KSR2: variants seen among roughly 807,000 people sequenced by gnomAD.
The protein encoded by KSR2 is kinase suppressor of ras 2.
In KSR2, 25 loss-of-function variants were observed where a neutral mutation model predicts 107.8. That is an observed-to-expected ratio of 0.23 (90% CI 0.17 to 0.32). The LOEUF (loss-of-function observed/expected upper bound fraction) is 0.32. Ranked by LOEUF, KSR2 falls within the 10% of genes least tolerant of loss-of-function variation. KSR2 has a pLI of 1.00. For synonymous variants in KSR2, 480 were observed against 507.0 expected, an observed-to-expected ratio of 0.95 and a Z score of 0.71; for missense variants, 887 against 1,268.9, an observed-to-expected ratio of 0.70 and a Z score of 4.57.
intron 4 of KSR2, among the ~76,000 whole-genome samples, chr12:117,752,493 A>T (rs541177645): frequency 2.7e-4 from 41 of 152,352 alleles, no homozygotes; most frequent in Admixed American, 9.8e-4. Flanking sequence ...AGGGAACTAG[A>T]TATATTTCAT....
chr12:117,628,668 C>T (rs554388800), intron 5 of KSR2, among the ~76,000 whole-genome samples: 6 of 152,358 alleles, frequency 3.9e-5, no homozygotes, highest in Admixed American at 3.3e-4. Flanking sequence ...CAGGGACCCA[C>T]TTGAGGAGGC....
chr12:117,920,637 T>G (rs376540918), intron 1 of KSR2, among the ~76,000 whole-genome samples: 1 of 152,090 alleles, frequency 6.6e-6, no homozygotes. Context: ...ACAATTTCTG[T>G]TTTTTAGATA....
chr12:117,504,099 C>A (rs1224938182), intron 14 of KSR2, among the ~76,000 whole-genome samples: 1 of 152,194 alleles, frequency 6.6e-6, no homozygotes, highest in Non-Finnish European at 1.5e-5. Flanking sequence ...TCTCCTACTT[C>A]TCACAGATAG....
intron 7 of KSR2, among the ~76,000 whole-genome samples, chr12:117,567,321 C>T (rs1406958374): frequency 6.6e-6 from 1 of 152,016 alleles, no homozygotes; most frequent in Non-Finnish European, 1.5e-5. Context: ...GGTGCAAAGA[C>T]ATGTCAATGA....
chr12:117,893,508 T>C (rs1894410202), intron 1 of KSR2, among the ~76,000 whole-genome samples: 1 of 152,208 alleles, frequency 6.6e-6, no homozygotes, highest in African/African-American at 2.4e-5. Context: ...GTAAGCTCTC[T>C]GCATGAAGAC....
chr12:117,881,474 G>T (rs1167858114), intron 1 of KSR2, among the ~76,000 whole-genome samples: 1 of 152,198 alleles, frequency 6.6e-6, no homozygotes, highest in Non-Finnish European at 1.5e-5. Context: ...TGTTAGTATG[G>T]TGACTGTCCC....
chr12:117,835,326 G>A (rs1892158515), intron 3 of KSR2, among the ~76,000 whole-genome samples: 2 of 152,194 alleles, frequency 1.3e-5, no homozygotes, highest in African/African-American at 2.4e-5. Flanking sequence ...TGCATGGCGA[G>A]TTGGAGGGAG....
intron 14 of KSR2, among the ~76,000 whole-genome samples, chr12:117,507,206 C>T (rs1434410541): frequency 6.6e-6 from 1 of 152,220 alleles, no homozygotes; most frequent in African/African-American, 2.4e-5. Flanking sequence ...TTCTATACAG[C>T]AGGAAGCTGA....
At chr12:117,774,392 C>T (rs571462397) in intron 3 of KSR2, among the ~76,000 whole-genome samples, 1 of 152,270 alleles carries the variant, frequency 6.6e-6, no homozygotes, top group South Asian at 2.1e-4. Flanking sequence ...ATGAGCTTGG[C>T]ATTCAGCAGA....
chr12:117,713,070 T>G (rs997138767), intron 4 of KSR2, among the ~76,000 whole-genome samples: 2 of 149,560 alleles, frequency 1.3e-5, no homozygotes, highest in Admixed American at 6.7e-5. Context: ...TATATACTTA[T>G]ATAGATAGAT....
chr12:117,679,600 GAC>G (rs1593123179), intron 4 of KSR2, among the ~76,000 whole-genome samples: 1 of 152,196 alleles, frequency 6.6e-6, no homozygotes, highest in Non-Finnish European at 1.5e-5. Flanking sequence ...GGTGTCTCAA[GAC>G]ACAGCAGAAA....
rs942673650 is a variant in KSR2, at chr12:117,459,184, G to A, written c.*8015C>T. 4 of 152,242 alleles carry A rather than the reference G, an allele frequency of 2.6e-5. No homozygotes were observed. The highest frequency in any genetic ancestry group is 9.7e-5 in the African/African-American group (4 of 41,446). 9.4% of individuals were successfully genotyped at this position (152,242 alleles called of 1,614,324 possible). On this transcript the variant is annotated 3_prime_UTR_variant, in exon 20 of 20. Coordinates refer to ENST00000339824, the MANE Select transcript of KSR2 (RefSeq NM_173598.6). Reference sequence around the variant, plus strand: ...TGCATTTTCCAAGTTCCCTAACTGAGAAGAAACATCTGCAGAGCGCTGATA... The same window carrying A: ...TGCATTTTCCAAGTTCCCTAACTGAAAAGAAACATCTGCAGAGCGCTGATA...
chr12:117,739,046 T>C (rs1257300941), intron 4 of KSR2, among the ~76,000 whole-genome samples: 4 of 152,076 alleles, frequency 2.6e-5, no homozygotes, highest in African/African-American at 9.6e-5. Context: ...TTAGGCTACA[T>C]TAAATATATT....
rs147822401 is a variant in KSR2 at position 117,562,364 on chromosome 12, C to T, written c.1326-3791G>A. 1.5e-4 allele frequency among the ~76,000 whole-genome samples: 23 copies of T among 152,214 alleles called. No individual in the cohort carries two copies. In the East Asian group the frequency reaches 4.4e-3, roughly 29 times the overall value. On this transcript the variant is annotated intron_variant, in intron 7 of 19. Transcript: ENST00000339824. ...AAGTTTTCTGAGGACCATGACATGG[C>T]CAGACTGATGTTTGGGAAGCCCTGA...
chr12:117,909,847 G>A (rs1894962713), intron 1 of KSR2, among the ~76,000 whole-genome samples: 1 of 151,816 alleles, frequency 6.6e-6, no homozygotes. Context: ...GGTGGTGGCT[G>A]CAGTGAGTCG....
chr12:117,637,682 T>TTTTTTTG (rs1883173630), intron 5 of KSR2, among the ~76,000 whole-genome samples: 1 of 130,622 alleles, frequency 7.7e-6, no homozygotes, highest in Non-Finnish European at 1.6e-5. Flanking sequence ...TGGGTTTTTT[T>TTTTTTTG]TTTTTTTTTT....
At chr12:117,653,780 C>G (rs957200093) in intron 5 of KSR2, among the ~76,000 whole-genome samples, 1 of 152,212 alleles carries the variant, frequency 6.6e-6, no homozygotes, top group Non-Finnish European at 1.5e-5. Context: ...CAACACATTC[C>G]TCATTTGGGT....
intron 16 of KSR2, among the ~76,000 whole-genome samples, chr12:117,477,465 G>C (rs1251317207): frequency 6.6e-6 from 1 of 152,198 alleles, no homozygotes; most frequent in Non-Finnish European, 1.5e-5. Flanking sequence ...CCCTCCTGGA[G>C]CTTGCACTTT....
chr12:117,466,042 T>G lies in KSR2; in HGVS notation c.*1157A>C, dbSNP rs1194344999. 1 of 152,256 alleles carries G rather than the reference T, an allele frequency of 6.6e-6. No homozygotes were observed. The highest frequency in any genetic ancestry group is 3.4e-3 in the Middle Eastern group (1 of 296). The allele number at this position is 152,256 out of a possible 1,614,324, so 9.4% of individuals were successfully genotyped here. A position where few individuals can be genotyped will look rare whatever the true frequency, so the allele number is the denominator to read the frequency against. On this transcript the variant is annotated 3_prime_UTR_variant, in exon 20 of 20. Coordinates refer to ENST00000339824, the MANE Select transcript of KSR2 (RefSeq NM_173598.6). ...ACAGGTGAGGGACACAGGCTTCCGA[T>G]GGGGAAGCTACTTGAGGACCCCGCA...
Sources: allele counts gnomAD v4.1 joint callset (sites outside exome capture counted in the v4.1 genomes callset), GRCh38; gene constraint gnomAD v4.1.1; transcripts MANE v1.5; gene names NCBI Gene and HGNC (gene_info 2026-07-23, HGNC 2026-07-21).